MS4A6E: variants seen among roughly 807,000 people sequenced by gnomAD.
MS4A6E encodes membrane spanning 4-domains A6E.
In MS4A6E, 8 loss-of-function variants were observed where a neutral mutation model predicts 13.2. The ratio of observed to expected loss-of-function variants is 0.60; its 90% confidence interval spans 0.35 to 1.09. The LOEUF (loss-of-function observed/expected upper bound fraction) is 1.09, where lower values mean the gene tolerates loss of function less well. MS4A6E is among the 50% of genes least tolerant of loss of function. The pLI, the probability that MS4A6E is intolerant of heterozygous loss-of-function variation, is 0.02. For missense variants in MS4A6E, 177 were observed against 171.1 expected (o/e 1.03, Z -0.19); for synonymous variants, 72 against 67.6 (o/e 1.06, Z -0.32).
intron 4 of MS4A6E, among the ~76,000 whole-genome samples, chr11:60,348,452 G>T (rs1200967863): frequency 1.3e-5 from 2 of 152,188 alleles, no homozygotes; most frequent in African/African-American, 2.4e-5. Context: ...TATGGCATTT[G>T]CTAATCTTTC....
At position 60,333,689 on chromosome 11, in the gene MS4A6E, G is replaced by C. The variant is rs559794666; in HGVS notation, c.-14-1193G>C. On this transcript the variant is annotated intron_variant, in intron 1 of 4. Coordinates refer to ENST00000684409, the MANE Select transcript of MS4A6E (RefSeq NM_139249.4). ...GTTGTTTTGGGTCCAAAGAGTTAAG[G>C]CCTTCTTATTCTCTAAGGAGGGATC... Among the ~76,000 whole-genome samples the C allele has an allele frequency of 2.2e-4, 33 of 152,282 alleles. 1 individual carries two copies. Among genetic ancestry groups the C allele is most frequent in the Non-Finnish European group, 1.3e-4 (9 of 68,006 alleles).
At chr11:60,327,555 G>C (rs1481046314) in intron 1 of MS4A6E, among the ~76,000 whole-genome samples, 147 bp downstream of exon 1, 1 of 152,178 alleles carries the variant, frequency 6.6e-6, no homozygotes, top group Non-Finnish European at 1.5e-5. Flanking sequence ...CATTGGAACT[G>C]GGTAATGGGT....
At chr11:60,339,358 T>C (rs1477180563) in intron 3 of MS4A6E, among the ~76,000 whole-genome samples, 1 of 152,178 alleles carries the variant, frequency 6.6e-6, no homozygotes, top group African/African-American at 2.4e-5. Flanking sequence ...ATACTGAATT[T>C]TACAAAGGGC....
chr11:60,339,067 A>G (rs1590776197), intron 3 of MS4A6E, among the ~76,000 whole-genome samples: 1 of 152,212 alleles, frequency 6.6e-6, no homozygotes, highest in Non-Finnish European at 1.5e-5. Context: ...AATGGACACA[A>G]CATGTATCTT....
chr11:60,334,994 G>C lies in MS4A6E; in HGVS notation c.99G>C (p.Gly33=). The change falls in exon 2 of 5, where the codon GGG becomes GGC. Residue 33 remains glycine, a synonymous_variant. Transcript: ENST00000684409. The stretch of plus-strand genomic sequence containing the variant: ...AGAAACCCGAACCCACCAACCAGGG[G>C]CAGGATAGCCTGAAGAAACGTCTAC... ...QAEKPEPTNQ[G]QDSLKKRLQA... 1.9e-6 allele frequency: 3 copies of C among 1,614,160 alleles called. No homozygotes were observed. Among genetic ancestry groups the C allele is most frequent in the South Asian group, 1.1e-5 (1 of 91,078 alleles).
At chr11:60,336,509 A>G (rs575357623) in intron 2 of MS4A6E, among the ~76,000 whole-genome samples, 127 of 152,328 alleles carry the variant, frequency 8.3e-4, no homozygotes, top group African/African-American at 2.9e-3. Context: ...CTCACCAGAG[A>G]CATCGAGGCT....
intron 1 of MS4A6E, among the ~76,000 whole-genome samples, chr11:60,331,169 A>G (rs1487357601): frequency 1.3e-5 from 2 of 152,180 alleles, no homozygotes; most frequent in Admixed American, 1.3e-4. Context: ...CTAAATACTT[A>G]AGACATGTCC....
chr11:60,348,601 C>T (rs1205958411), intron 4 of MS4A6E, among the ~76,000 whole-genome samples: 1 of 152,188 alleles, frequency 6.6e-6, no homozygotes, highest in African/African-American at 2.4e-5. Context: ...CCGGATCAAG[C>T]AATCAGAGGC....
intron 4 of MS4A6E, among the ~76,000 whole-genome samples, chr11:60,347,726 T>C (rs1375699251): frequency 1.3e-5 from 2 of 152,142 alleles, no homozygotes; most frequent in African/African-American, 4.8e-5. Context: ...CTGCCCATGG[T>C]TGCAGGCATA....
chr11:60,330,871 G>A (rs2085151194), intron 1 of MS4A6E, among the ~76,000 whole-genome samples: 1 of 152,114 alleles, frequency 6.6e-6, no homozygotes, highest in Non-Finnish European at 1.5e-5. Context: ...TATTAAATAT[G>A]GAACACTTTC....
chr11:60,341,829 G>C (rs10897052), downstream of MS4A6E, among the ~76,000 whole-genome samples: 6 of 151,718 alleles, frequency 4.0e-5, no homozygotes, highest in African/African-American at 1.5e-4. Context: ...TGTTTCATTA[G>C]GTCTTCTCCC....
At chr11:60,341,431 C>T (rs2085225092), downstream of MS4A6E, among the ~76,000 whole-genome samples, 1 of 152,078 alleles carries the variant, frequency 6.6e-6, no homozygotes, top group Non-Finnish European at 1.5e-5. Flanking sequence ...CAATTTTCTC[C>T]TCACCAATAT....
At position 60,335,138 on chromosome 11, in the gene MS4A6E, C is replaced by A. The variant is rs1474102372; in HGVS notation, c.147+96C>A. The A allele has an allele frequency of 3.3e-6, 5 of 1,509,362 alleles. No homozygotes were observed. In the East Asian group the frequency reaches 1.1e-4, roughly 35 times the overall value. 93.5% of individuals were successfully genotyped at this position (1,509,362 alleles called of 1,614,324 possible). On this transcript the variant is annotated intron_variant, in intron 2 of 4. Coordinates refer to ENST00000684409, the MANE Select transcript of MS4A6E (RefSeq NM_139249.4). ...TGGTCATCCTTGTGAGTGTGGAGAC[C>A]CTTAAGTTTTGCTGGAGGGACTTTG...
At chr11:60,330,955 T>C (rs1185034733) in intron 1 of MS4A6E, among the ~76,000 whole-genome samples, 2 of 152,220 alleles carry the variant, frequency 1.3e-5, no homozygotes, top group Non-Finnish European at 2.9e-5. Flanking sequence ...CTGAGGACTC[T>C]GTTCTGTTCC....
chr11:60,339,143 T>A (rs111908969), intron 3 of MS4A6E, among the ~76,000 whole-genome samples: 3 of 152,310 alleles, frequency 2.0e-5, no homozygotes, highest in African/African-American at 7.2e-5. Flanking sequence ...CCCTTTATTA[T>A]CAGATGACCA....
At chr11:60,337,297 C>CT (rs1393724974) in intron 2 of MS4A6E, among the ~76,000 whole-genome samples, 1 of 152,206 alleles carries the variant, frequency 6.6e-6, no homozygotes, top group South Asian at 2.1e-4. Context: ...CCCAAAATTA[C>CT]TTTTGCACCA....
chr11:60,335,490 G>A (rs1384736054), intron 2 of MS4A6E: 1 of 438,738 alleles, frequency 2.3e-6, no homozygotes, highest in Admixed American at 2.6e-5. Context: ...GAATGGAAAT[G>A]ATATTTACCT....
At chr11:60,344,925 TTTTTTTGTTTTTTG>T (rs1489403748), downstream of MS4A6E, among the ~76,000 whole-genome samples, 2 of 150,774 alleles carry the variant, frequency 1.3e-5, no homozygotes, top group Non-Finnish European at 2.9e-5. Context: ...TTTTTGTTTG[TTTTTTTGTTTTTTG>T]TTTTTTGTTT....
chr11:60,334,918 A>G lies in MS4A6E; in HGVS notation c.23A>G (p.Asn8Ser), dbSNP rs150698992. 376 of 1,614,102 alleles carry G rather than the reference A, an allele frequency of 2.3e-4. No homozygotes were observed. The highest frequency in any genetic ancestry group is 4.9e-4 in the Middle Eastern group (3 of 6,062). MTSQPIS[N>S]ETIIMLPSNV... is the part of the protein sequence containing the mutation. ...ATTATGACATCACAACCTATTTCCA[A>G]TGAGACCATCATAATGCTCCCATCA... is the stretch of plus-strand genomic sequence containing the variant. The change falls in exon 2 of 5, where the codon AAT becomes AGT. Residue 8 changes from asparagine (N) to serine (S), a missense_variant. Physicochemically the swap from Asn to Ser is conservative, Grantham distance 46. Coordinates refer to ENST00000684409, the MANE Select transcript of MS4A6E (RefSeq NM_139249.4).
Sources: gnomAD v4.1 joint callset for allele counts (sites outside exome capture counted in the v4.1 genomes callset) on GRCh38, gnomAD v4.1.1 for gene constraint, MANE v1.5 for transcripts, NCBI Gene and HGNC (gene_info 2026-07-23, HGNC 2026-07-21) for gene names.